Variants in NEGR1 observed in about 807,000 individuals in gnomAD.
NEGR1 encodes neuronal growth regulator 1, also known as IgLON family member 4.
Under a neutral mutation model 40.9 loss-of-function variants are expected in NEGR1, and 10 were observed. That is an observed-to-expected ratio of 0.24 (90% CI 0.15 to 0.42). NEGR1 has a LOEUF of 0.42. Ranked by LOEUF, NEGR1 falls within the 10% of genes least tolerant of loss-of-function variation. The probability of loss-of-function intolerance (pLI) is 1.00; values close to 1 mark genes in which losing one functional copy is unlikely to be tolerated. For missense variants in NEGR1, 352 were observed against 438.9 expected, an observed-to-expected ratio of 0.80 and a Z score of 1.77; for synonymous variants, 185 against 166.8, an observed-to-expected ratio of 1.11 and a Z score of -0.84.
chr1:72,258,425 C>T (rs941936181), intron 1 of NEGR1, among the ~76,000 whole-genome samples: 8 of 152,036 alleles, frequency 5.3e-5, no homozygotes, highest in African/African-American at 1.9e-4. Context: ...GGCATTGTTT[C>T]ATTAAGGTTA....
intron 3 of NEGR1, among the ~76,000 whole-genome samples, chr1:71,749,274 A>G (rs1368281952): frequency 6.6e-6 from 1 of 152,194 alleles, no homozygotes; most frequent in East Asian, 1.9e-4. Flanking sequence ...ATAAAACACA[A>G]GATAGAATAT....
chr1:71,583,380 A>G (rs1033427370), intron 6 of NEGR1, among the ~76,000 whole-genome samples: 13 of 152,288 alleles, frequency 8.5e-5, no homozygotes, highest in African/African-American at 3.1e-4. Context: ...ATGTTAGAGA[A>G]ATACAGGTGG....
At chr1:71,773,989 A>T (rs1250563786) in intron 3 of NEGR1, among the ~76,000 whole-genome samples, 1 of 152,206 alleles carries the variant, frequency 6.6e-6, no homozygotes, top group East Asian at 1.9e-4. Flanking sequence ...GAAGATAGAG[A>T]TTATGTGTTT....
intron 6 of NEGR1, among the ~76,000 whole-genome samples, chr1:71,537,495 C>A (rs1384060037): frequency 1.3e-5 from 2 of 151,630 alleles, no homozygotes; most frequent in Non-Finnish European, 3.0e-5. Context: ...GGAAGAGAGG[C>A]AAATTCAATG....
chr1:71,797,729 A>G (rs890032666), intron 2 of NEGR1, among the ~76,000 whole-genome samples: 1 of 152,248 alleles, frequency 6.6e-6, no homozygotes, highest in South Asian at 2.1e-4. Context: ...ATGGCTCTGA[A>G]TAATGTATAC....
chr1:72,051,950 A>G (rs1455120658), intron 1 of NEGR1, among the ~76,000 whole-genome samples: 2 of 151,460 alleles, frequency 1.3e-5, no homozygotes, highest in Admixed American at 6.6e-5. Flanking sequence ...CACTAGTTCC[A>G]AAGATCTTGA....
At chr1:71,564,693 C>T (rs1441953347) in intron 6 of NEGR1, among the ~76,000 whole-genome samples, 2 of 152,074 alleles carry the variant, frequency 1.3e-5, no homozygotes, top group African/African-American at 2.4e-5. Context: ...TTTATCAATT[C>T]TGGATGCCAG....
intron 2 of NEGR1, among the ~76,000 whole-genome samples, chr1:71,915,635 G>A (rs1390775035): frequency 6.6e-6 from 1 of 152,048 alleles, no homozygotes; most frequent in Non-Finnish European, 1.5e-5. Flanking sequence ...TCAAACTTGG[G>A]TTAATATAGC....
chr1:71,941,666 A>G (rs1226600970), intron 1 of NEGR1, among the ~76,000 whole-genome samples: 1 of 152,150 alleles, frequency 6.6e-6, no homozygotes, highest in Non-Finnish European at 1.5e-5. Context: ...ATTGTATTTT[A>G]AAATATGTTC....
At chr1:72,140,524 C>T (rs1385957571) in intron 1 of NEGR1, among the ~76,000 whole-genome samples, 1 of 151,900 alleles carries the variant, frequency 6.6e-6, no homozygotes, top group Admixed American at 6.6e-5. Flanking sequence ...GAAGATGAAG[C>T]CCAGATGACC....
chr1:71,521,709 GC>G (rs1447185760), intron 6 of NEGR1, among the ~76,000 whole-genome samples: 1 of 151,976 alleles, frequency 6.6e-6, no homozygotes. Flanking sequence ...GTGTATAGGA[GC>G]AACTCTTGTT....
At chr1:71,527,447 CCA>C in intron 6 of NEGR1, among the ~76,000 whole-genome samples, 1 of 143,404 alleles carries the variant, frequency 7.0e-6, no homozygotes, top group South Asian at 2.2e-4. Context: ...ATCCATCCAT[CCA>C]TGGGTAATCA....
intron 1 of NEGR1, among the ~76,000 whole-genome samples, chr1:72,013,613 AAAT>A (rs773992002): frequency 3.9e-5 from 6 of 152,092 alleles, no homozygotes; most frequent in Non-Finnish European, 7.4e-5. Context: ...AATCAACTGT[AAAT>A]AAATAAACCT....
intron 3 of NEGR1, among the ~76,000 whole-genome samples, chr1:71,708,333 G>A (rs1458964223): frequency 1.3e-5 from 2 of 151,632 alleles, no homozygotes; most frequent in Non-Finnish European, 2.9e-5. Flanking sequence ...AAAGAATCAA[G>A]CAATAATTAT....
At chr1:71,520,617 T>A (rs1273574676) in intron 6 of NEGR1, among the ~76,000 whole-genome samples, 2 of 152,054 alleles carry the variant, frequency 1.3e-5, no homozygotes, top group Non-Finnish European at 2.9e-5. Flanking sequence ...TATTCAGAAT[T>A]GTGTTTAAGT....
intron 1 of NEGR1, among the ~76,000 whole-genome samples, chr1:72,097,067 A>T (rs1648730513): frequency 6.6e-6 from 1 of 152,168 alleles, no homozygotes. Context: ...AAAATTTTAT[A>T]AAGTCTTACA....
chr1:71,768,422 T>G (rs1211037870), intron 3 of NEGR1, among the ~76,000 whole-genome samples: 4 of 152,138 alleles, frequency 2.6e-5, no homozygotes. Flanking sequence ...CAGAAATGCA[T>G]AGGGCCTGTA....
At chr1:71,941,312 A>G (rs1413424100) in intron 1 of NEGR1, among the ~76,000 whole-genome samples, 1 of 151,472 alleles carries the variant, frequency 6.6e-6, no homozygotes, top group Non-Finnish European at 1.5e-5. Context: ...GAGAACAGAA[A>G]TTTTACCATC....
chr1:72,107,926 T>C (rs1329829032), intron 1 of NEGR1, among the ~76,000 whole-genome samples: 1 of 151,586 alleles, frequency 6.6e-6, no homozygotes, highest in Admixed American at 6.6e-5. Context: ...AAAAAACATT[T>C]GGCTAAGCCT....
Sources: allele counts gnomAD v4.1 joint callset (sites outside exome capture counted in the v4.1 genomes callset), GRCh38; gene constraint gnomAD v4.1.1; transcripts MANE v1.5; gene names NCBI Gene and HGNC (gene_info 2026-07-23, HGNC 2026-07-21).